The following ARL15 variants were observed in gnomAD, a reference collection of about 807,000 sequenced individuals.
ARL15 encodes the protein ADP-ribosylation factor-like protein 15.
A neutral mutation model predicts 25.2 loss-of-function variants in ARL15; 19 were observed. That is an observed-to-expected ratio of 0.75 (90% CI 0.53 to 1.10). The LOEUF (loss-of-function observed/expected upper bound fraction) is 1.10. ARL15 is among the 50% of genes least tolerant of loss of function. ARL15 has a pLI of 0.00. For synonymous variants in ARL15, 94 were observed against 86.8 expected (o/e 1.08, Z -0.46); for missense variants, 220 against 246.0 (o/e 0.89, Z 0.71).
chr5:54,289,291 C>T (rs1254178167), intron 1 of ARL15, among the ~76,000 whole-genome samples: 1 of 151,758 alleles, frequency 6.6e-6, no homozygotes, highest in Non-Finnish European at 1.5e-5. Context: ...TCTTATGGAG[C>T]CTACACTCCA....
chr5:54,132,122 C>T (rs1197425339), intron 3 of ARL15, among the ~76,000 whole-genome samples: 1 of 151,722 alleles, frequency 6.6e-6, no homozygotes, highest in African/African-American at 2.4e-5. Flanking sequence ...TTTAAAAATC[C>T]AGCAATTTTA....
chr5:54,223,785 T>C (rs1422045188), intron 1 of ARL15, among the ~76,000 whole-genome samples: 3 of 152,162 alleles, frequency 2.0e-5, no homozygotes, highest in Admixed American at 6.5e-5. Flanking sequence ...ACGGTCTGTC[T>C]GAACAACAAA....
At chr5:54,145,414 A>T (rs1753875054) in intron 3 of ARL15, among the ~76,000 whole-genome samples, 1 of 152,244 alleles carries the variant, frequency 6.6e-6, no homozygotes, top group Admixed American at 6.5e-5. Flanking sequence ...TATTTTAATC[A>T]GCTTTGAACG....
intron 4 of ARL15, among the ~76,000 whole-genome samples, chr5:53,988,650 C>T (rs1042792599): frequency 6.6e-6 from 1 of 152,100 alleles, no homozygotes; most frequent in African/African-American, 2.4e-5. Context: ...CTCCAAAAGA[C>T]AATTTTACAG....
At chr5:54,194,434 T>C (rs1370325566) in intron 1 of ARL15, among the ~76,000 whole-genome samples, 4 of 151,216 alleles carry the variant, frequency 2.6e-5, no homozygotes, top group African/African-American at 4.9e-5. Context: ...CAAGAAAGGA[T>C]AGAAAAGACC....
intron 4 of ARL15, among the ~76,000 whole-genome samples, chr5:53,966,491 A>T (rs6879379): frequency 1.3e-5 from 2 of 152,176 alleles, no homozygotes; most frequent in Admixed American, 6.5e-5. Flanking sequence ...GGGAACCCCA[A>T]CTTGAGCTGG....
intron 4 of ARL15, among the ~76,000 whole-genome samples, chr5:53,908,099 A>C (rs901824590): frequency 8.5e-5 from 13 of 152,186 alleles, no homozygotes; most frequent in Non-Finnish European, 1.8e-4. Context: ...CTACCATATA[A>C]AAAGATATTT....
At chr5:54,095,954 T>A (rs1180376924) in intron 4 of ARL15, among the ~76,000 whole-genome samples, 4 of 152,202 alleles carry the variant, frequency 2.6e-5, no homozygotes, top group African/African-American at 9.6e-5. Context: ...GAGATTGTTG[T>A]GGTAGAATGA....
At chr5:54,177,777 C>A (rs1754927250) in intron 1 of ARL15, among the ~76,000 whole-genome samples, 1 of 152,174 alleles carries the variant, frequency 6.6e-6, no homozygotes, top group African/African-American at 2.4e-5. Flanking sequence ...CTTAACGTTT[C>A]TATGCCACCC....
intron 1 of ARL15, among the ~76,000 whole-genome samples, chr5:54,228,083 G>A (rs1404072086): frequency 6.6e-6 from 1 of 152,154 alleles, no homozygotes; most frequent in East Asian, 1.9e-4. Context: ...CACCTTACAT[G>A]AAAATTATCA....
At chr5:53,904,598 G>A (rs1255561026) in intron 4 of ARL15, among the ~76,000 whole-genome samples, 1 of 152,024 alleles carries the variant, frequency 6.6e-6, no homozygotes, top group Non-Finnish European at 1.5e-5. Flanking sequence ...AAAATCATAG[G>A]TAATGGCTGC....
intron 1 of ARL15, among the ~76,000 whole-genome samples, chr5:54,180,380 T>C (rs1208030515): frequency 6.6e-6 from 1 of 152,108 alleles, no homozygotes; most frequent in Non-Finnish European, 1.5e-5. Context: ...GGGTGACTAG[T>C]GGTTCTTGCA....
At chr5:53,961,128 C>T (rs1336989567) in intron 4 of ARL15, among the ~76,000 whole-genome samples, 1 of 151,996 alleles carries the variant, frequency 6.6e-6, no homozygotes, top group Non-Finnish European at 1.5e-5. Context: ...TATGGTTAGG[C>T]TTGAAATTTT....
At chr5:53,939,738 A>AAAAAT (rs555650327) in intron 4 of ARL15, among the ~76,000 whole-genome samples, 1 of 152,138 alleles carries the variant, frequency 6.6e-6, no homozygotes. Flanking sequence ...CGTCTCAAAA[A>AAAAAT]AAAATAAAAT....
intron 4 of ARL15, among the ~76,000 whole-genome samples, chr5:54,040,580 G>C (rs1346863262): frequency 6.6e-6 from 1 of 152,152 alleles, no homozygotes; most frequent in Non-Finnish European, 1.5e-5. Flanking sequence ...GATCACAGTA[G>C]AGCTACTAAC....
intron 1 of ARL15, among the ~76,000 whole-genome samples, chr5:54,248,209 T>C (rs1329634524): frequency 2.6e-5 from 4 of 152,102 alleles, no homozygotes. Context: ...ATTTGGGAAA[T>C]AACTGGGTTT....
intron 4 of ARL15, among the ~76,000 whole-genome samples, chr5:53,970,822 G>A (rs1017588996): frequency 6.6e-6 from 1 of 152,204 alleles, no homozygotes; most frequent in Admixed American, 6.5e-5. Context: ...GGATTAATTG[G>A]AATGATCACA....
At chr5:54,069,561 A>C (rs1751352949) in intron 4 of ARL15, among the ~76,000 whole-genome samples, 1 of 56,202 alleles carries the variant, frequency 1.8e-5, no homozygotes, top group African/African-American at 4.4e-5. Context: ...AACGTCTCAA[A>C]AAAAAAAAAA....
At chr5:54,200,475 G>T (rs1755690763) in intron 1 of ARL15, among the ~76,000 whole-genome samples, 1 of 151,988 alleles carries the variant, frequency 6.6e-6, no homozygotes, top group African/African-American at 2.4e-5. Flanking sequence ...GAAAACTCTA[G>T]AGAAGGAAAA....
Sources: allele counts gnomAD v4.1 joint callset (sites outside exome capture counted in the v4.1 genomes callset), GRCh38; gene constraint gnomAD v4.1.1; transcripts MANE v1.5; gene names NCBI Gene and HGNC (gene_info 2026-07-23, HGNC 2026-07-21).